GRID2: variants seen among roughly 807,000 people sequenced by gnomAD.
GRID2 encodes glutamate ionotropic receptor delta type subunit 2, also known as glutamate receptor ionotropic, delta-2.
GRID2 carries 33 observed loss-of-function variants against 114.8 expected under a neutral mutation model. The observed-to-expected ratio is 0.29, with a 90% CI of 0.22 to 0.38. GRID2 has a LOEUF of 0.38. Among genes scored for constraint, GRID2 ranks in the 10% least tolerant of loss-of-function variants. The pLI is 1.00. For synonymous variants in GRID2, 505 were observed against 449.9 expected, an observed-to-expected ratio of 1.12 and a Z score of -1.55; for missense variants, 1,184 against 1,257.7, an observed-to-expected ratio of 0.94 and a Z score of 0.89.
intron 1 of GRID2, among the ~76,000 whole-genome samples, chr4:92,463,033 T>C (rs35763084): frequency 0.02 from 3,106 of 152,104 alleles, 36 homozygotes; most frequent in Middle Eastern, 0.034. Context: ...TTGAATAATA[T>C]ATAAAAACAG....
chr4:92,923,138 A>T (rs1363920947), intron 2 of GRID2, among the ~76,000 whole-genome samples: 2 of 152,226 alleles, frequency 1.3e-5, no homozygotes, highest in Non-Finnish European at 2.9e-5. Flanking sequence ...CAATAGTGTT[A>T]TATAATCACT....
chr4:93,505,224 A>G (rs1728513098), intron 12 of GRID2, among the ~76,000 whole-genome samples: 2 of 152,094 alleles, frequency 1.3e-5, no homozygotes, highest in Admixed American at 1.3e-4. Flanking sequence ...AACACCATTT[A>G]AAAATGTGAT....
chr4:92,395,174 T>C (rs1405475035), intron 1 of GRID2, among the ~76,000 whole-genome samples: 1 of 151,672 alleles, frequency 6.6e-6, no homozygotes, highest in Non-Finnish European at 1.5e-5. Flanking sequence ...AATACCCACA[T>C]ATTTTGTTGA....
At chr4:92,546,195 CTT>C (rs1485935410) in intron 1 of GRID2, among the ~76,000 whole-genome samples, 2 of 152,062 alleles carry the variant, frequency 1.3e-5, no homozygotes, top group Admixed American at 1.3e-4. Flanking sequence ...ACAGAAGTCT[CTT>C]TGATTAATAT....
intron 3 of GRID2, among the ~76,000 whole-genome samples, chr4:93,104,554 G>A (rs1048408704): frequency 1.3e-4 from 19 of 151,928 alleles, no homozygotes; most frequent in East Asian, 3.9e-4. Context: ...GAGAACATGC[G>A]GTGTTTGGTT....
At chr4:92,464,888 A>G (rs1381283907) in intron 1 of GRID2, among the ~76,000 whole-genome samples, 1 of 152,096 alleles carries the variant, frequency 6.6e-6, no homozygotes, top group Non-Finnish European at 1.5e-5. Context: ...GTGGGAGGTG[A>G]TTGGATCACG....
At chr4:92,533,699 A>T (rs1725467548) in intron 1 of GRID2, among the ~76,000 whole-genome samples, 1 of 152,148 alleles carries the variant, frequency 6.6e-6, no homozygotes, top group African/African-American at 2.4e-5. Flanking sequence ...AGGAGACAAA[A>T]TATTAAACAA....
At chr4:93,019,833 G>A (rs541944066) in intron 2 of GRID2, among the ~76,000 whole-genome samples, 6 of 152,104 alleles carry the variant, frequency 3.9e-5, no homozygotes, top group South Asian at 4.1e-4. Context: ...TTGTATGATC[G>A]TATCAAAGTA....
At chr4:93,741,190 T>TGA in intron 14 of GRID2, among the ~76,000 whole-genome samples, 1 of 30,716 alleles carries the variant, frequency 3.3e-5, no homozygotes, top group Non-Finnish European at 6.2e-5. Context: ...TATATATATA[T>TGA]ATATATATAT....
At chr4:93,725,791 G>C (rs1448883361) in intron 14 of GRID2, among the ~76,000 whole-genome samples, 1 of 152,122 alleles carries the variant, frequency 6.6e-6, no homozygotes, top group Non-Finnish European at 1.5e-5. Context: ...CTTTTGAGAA[G>C]TGTCTGTTCA....
At chr4:93,032,691 C>T (rs1288379825) in intron 2 of GRID2, among the ~76,000 whole-genome samples, 1 of 152,118 alleles carries the variant, frequency 6.6e-6, no homozygotes, top group Admixed American at 6.6e-5. Flanking sequence ...TCACAGATGC[C>T]TTTTCTCTTG....
At chr4:93,747,279 G>A (rs1263010923) in intron 14 of GRID2, among the ~76,000 whole-genome samples, 2 of 152,060 alleles carry the variant, frequency 1.3e-5, no homozygotes, top group Non-Finnish European at 2.9e-5. Flanking sequence ...TTGAAAGACC[G>A]TTCCAAAATA....
intron 4 of GRID2, among the ~76,000 whole-genome samples, chr4:93,180,968 C>T (rs1046662756): frequency 6.6e-6 from 1 of 152,164 alleles, no homozygotes; most frequent in African/African-American, 2.4e-5. Context: ...GACATGCTCT[C>T]ATGAATCATG....
chr4:93,028,596 A>T (rs761310747), intron 2 of GRID2, among the ~76,000 whole-genome samples: 15 of 152,012 alleles, frequency 9.9e-5, no homozygotes, highest in Non-Finnish European at 2.1e-4. Context: ...TTTTTTTTAT[A>T]TATACGTACG....
At chr4:93,197,988 G>A (rs1261074669) in intron 4 of GRID2, among the ~76,000 whole-genome samples, 1 of 151,888 alleles carries the variant, frequency 6.6e-6, no homozygotes, top group Non-Finnish European at 1.5e-5. Flanking sequence ...TTTTTCTAAT[G>A]ACTTCCTTTT....
At chr4:93,386,576 G>A (rs542521823) in intron 8 of GRID2, among the ~76,000 whole-genome samples, 1 of 152,192 alleles carries the variant, frequency 6.6e-6, no homozygotes, top group South Asian at 2.1e-4. Context: ...GTATAATCAA[G>A]AGTCCAGAAA....
intron 2 of GRID2, among the ~76,000 whole-genome samples, chr4:92,800,522 G>A (rs1221267452): frequency 6.6e-6 from 1 of 151,962 alleles, no homozygotes; most frequent in Non-Finnish European, 1.5e-5. Context: ...TCAATTGAAG[G>A]AGAGGTAACC....
chr4:93,333,121 C>T (rs983792931), intron 8 of GRID2, among the ~76,000 whole-genome samples: 11 of 152,084 alleles, frequency 7.2e-5, no homozygotes, highest in African/African-American at 2.7e-4. Flanking sequence ...GGTAGGCCTC[C>T]CAGCCACCTG....
At chr4:92,530,176 A>G (rs1725262316) in intron 1 of GRID2, among the ~76,000 whole-genome samples, 1 of 152,102 alleles carries the variant, frequency 6.6e-6, no homozygotes, top group Non-Finnish European at 1.5e-5. Context: ...TGATAGAATT[A>G]GAAAATCACC....
Sources: gnomAD v4.1 joint callset for allele counts (sites outside exome capture counted in the v4.1 genomes callset) on GRCh38, gnomAD v4.1.1 for gene constraint, MANE v1.5 for transcripts, NCBI Gene and HGNC (gene_info 2026-07-23, HGNC 2026-07-21) for gene names.